Variants in FILIP1L observed in about 807,000 individuals in gnomAD.
The protein encoded by FILIP1L is filamin A interacting protein 1 like, also known as filamin A-interacting protein 1-like.
A neutral mutation model predicts 96.6 loss-of-function variants in FILIP1L; 55 were observed. That is an observed-to-expected ratio of 0.57 (90% CI 0.46 to 0.71). The LOEUF (loss-of-function observed/expected upper bound fraction) is 0.71. FILIP1L is among the 30% of genes least tolerant of loss of function. The pLI is 0.00. For missense variants in FILIP1L, 1,304 were observed against 1,321.2 expected (o/e 0.99, Z 0.20); for synonymous variants, 467 against 473.9 (o/e 0.99, Z 0.19).
At chr3:99,965,215 A>T (rs1395780499) in intron 1 of FILIP1L, among the ~76,000 whole-genome samples, 1 of 152,258 alleles carries the variant, frequency 6.6e-6, no homozygotes, top group African/African-American at 2.4e-5. Flanking sequence ...TGTGAAACAA[A>T]TATATGAGTC....
intron 1 of FILIP1L, among the ~76,000 whole-genome samples, chr3:99,965,962 T>C (rs555149789): frequency 1.6e-4 from 25 of 152,110 alleles, no homozygotes; most frequent in African/African-American, 5.8e-4. Context: ...TCTCTCCCCA[T>C]ATGTAAGCCC....
At chr3:100,051,325 A>G (rs2065368171) in intron 1 of FILIP1L, 1 of 152,164 alleles carries the variant, frequency 6.6e-6, no homozygotes, top group East Asian at 1.9e-4. Context: ...TTTTATTTCA[A>G]AATTTAATAA....
chr3:99,843,489 A>G (rs923542657), intron 5 of FILIP1L, among the ~76,000 whole-genome samples: 10 of 152,334 alleles, frequency 6.6e-5, no homozygotes, highest in African/African-American at 1.7e-4. Context: ...GAGAGGGACT[A>G]TGGTCAGAAT....
intron 4 of FILIP1L, among the ~76,000 whole-genome samples, chr3:99,885,892 A>G (rs1258496055): frequency 1.3e-5 from 2 of 152,198 alleles, no homozygotes; most frequent in African/African-American, 4.8e-5. Flanking sequence ...TGGGGAATCT[A>G]TTTCCCAAAG....
intron 1 of FILIP1L, chr3:100,109,952 C>CTGTACCCAT (rs1374589086): frequency 7.9e-6 from 1 of 125,870 alleles, no homozygotes; most frequent in East Asian, 2.7e-4. Context: ...TTAGTAACTT[C>CTGTACCCAT]TGTACCCATA....
At chr3:99,833,170 G>T in intron 5 of FILIP1L, 2 of 1,426,102 alleles carry the variant, frequency 1.4e-6, no homozygotes, top group Admixed American at 1.7e-5. Flanking sequence ...TTTAATAAAT[G>T]CTTAACCCAG....
At chr3:99,946,871 A>G (rs1404711605) in intron 1 of FILIP1L, among the ~76,000 whole-genome samples, 1 of 152,160 alleles carries the variant, frequency 6.6e-6, no homozygotes, top group African/African-American at 2.4e-5. Context: ...TCCATCAAGG[A>G]TACAGTCATT....
intron 1 of FILIP1L, among the ~76,000 whole-genome samples, chr3:100,062,164 T>A (rs1426025376): frequency 7.7e-6 from 1 of 129,276 alleles, no homozygotes; most frequent in African/African-American, 2.9e-5. Context: ...CAGGCTGGAG[T>A]GCAGTGGCGC....
chr3:99,930,007 A>G lies in FILIP1L; in HGVS notation c.275T>C (p.Ile92Thr), dbSNP rs1376769437. 1 of 1,613,528 alleles carries G rather than the reference A, an allele frequency of 6.2e-7. No homozygotes were observed. The highest frequency in any genetic ancestry group is 1.3e-5 in the African/African-American group (1 of 75,012). The change falls in exon 3 of 6, where the codon ATT (isoleucine) becomes ACT (threonine). Residue 92 changes from isoleucine (I) to threonine (T), a missense_variant. Ile to Thr is a moderately conservative substitution (Grantham distance 89). Coordinates refer to ENST00000477258, the MANE Select transcript of FILIP1L (RefSeq NM_001387850.1). Reference protein sequence around the residue: ...ELQARDEVIGILKAEKMDLAL... With the variant: ...ELQARDEVIGTLKAEKMDLAL... Reference sequence around the variant, plus strand: ...CAGGTCCATTTTTTCAGCCTTTAAAATGCCTATGACCTCATCTCGAGCCTG... The same window carrying G: ...CAGGTCCATTTTTTCAGCCTTTAAAGTGCCTATGACCTCATCTCGAGCCTG...
At chr3:99,929,257 C>A (rs886702038) in intron 3 of FILIP1L, among the ~76,000 whole-genome samples, 1 of 152,176 alleles carries the variant, frequency 6.6e-6, no homozygotes, top group Admixed American at 6.5e-5. Flanking sequence ...GACTGCCCAC[C>A]TTTGCCGTTG....
At chr3:99,987,965 C>G (rs368196921) in intron 1 of FILIP1L, among the ~76,000 whole-genome samples, 1 of 152,166 alleles carries the variant, frequency 6.6e-6, no homozygotes, top group South Asian at 2.1e-4. Context: ...TCCAGGCCAT[C>G]ATTCTGTTTC....
At chr3:100,025,652 T>C (rs188689152) in intron 1 of FILIP1L, 20 of 152,334 alleles carry the variant, frequency 1.3e-4, no homozygotes, top group African/African-American at 3.6e-4. Flanking sequence ...ATGTTATTTC[T>C]GTTTGCTGAG....
chr3:100,014,895 C>CTTTTTTTTTTTTTTTTTTTTTTT (rs1233573719), intron 1 of FILIP1L, among the ~76,000 whole-genome samples: 13 of 25,006 alleles, frequency 5.2e-4, no homozygotes, highest in African/African-American at 8.8e-4. Flanking sequence ...TTCTTTCTTT[C>CTTTTTTTTTTTTTTTTTTTTTTT]TTTTTTTTTT....
At chr3:99,896,246 T>C (rs1364743980) in intron 4 of FILIP1L, among the ~76,000 whole-genome samples, 3 of 152,190 alleles carry the variant, frequency 2.0e-5, no homozygotes, top group Non-Finnish European at 2.9e-5. Flanking sequence ...TGGCAACATA[T>C]GTTTGAAACA....
chr3:99,930,036 G>T lies in FILIP1L; in HGVS notation c.253-7C>A. 2 of 1,586,906 alleles carry T rather than the reference G, an allele frequency of 1.3e-6. No individual in the cohort carries two copies. The highest frequency in any genetic ancestry group is 1.4e-5 in the African/African-American group (1 of 73,254). On this transcript the variant is annotated splice_polypyrimidine_tract_variant and splice_region_variant and intron_variant, in intron 2 of 5. Transcript: ENST00000477258. ...CTATGACCTCATCTCGAGCCTGTAG[G>T]AACAAAAAGTATTTCAGAAAGCCTG... is the stretch of plus-strand genomic sequence containing the variant.
At chr3:99,878,425 A>T (rs1404779842) in intron 4 of FILIP1L, among the ~76,000 whole-genome samples, 1 of 152,258 alleles carries the variant, frequency 6.6e-6, no homozygotes, top group Non-Finnish European at 1.5e-5. Context: ...TGATACAGGG[A>T]TTTAAAGCAA....
At chr3:100,002,626 A>G (rs1289209651) in intron 1 of FILIP1L, among the ~76,000 whole-genome samples, 1 of 152,232 alleles carries the variant, frequency 6.6e-6, no homozygotes, top group Non-Finnish European at 1.5e-5. Flanking sequence ...TCTGTCCATC[A>G]TATGGGTGTG....
intron 4 of FILIP1L, among the ~76,000 whole-genome samples, chr3:99,911,590 A>G (rs1706790900): frequency 6.6e-6 from 1 of 152,074 alleles, no homozygotes; most frequent in Admixed American, 6.6e-5. Flanking sequence ...CCATAAATTT[A>G]TCTTTTTAAT....
intron 1 of FILIP1L, among the ~76,000 whole-genome samples, chr3:100,101,788 A>G (rs111657717): frequency 6.6e-6 from 1 of 151,892 alleles, no homozygotes; most frequent in African/African-American, 2.4e-5. Context: ...ACCCCACAAC[A>G]GGCCCCAGTG....
Sources: allele counts gnomAD v4.1 joint callset (sites outside exome capture counted in the v4.1 genomes callset), GRCh38; gene constraint gnomAD v4.1.1; transcripts MANE v1.5; gene names NCBI Gene and HGNC (gene_info 2026-07-23, HGNC 2026-07-21).